CSN1S1: variants seen among roughly 807,000 people sequenced by gnomAD.
The protein encoded by CSN1S1 is alpha-S1-casein.
CSN1S1 carries 63 observed loss-of-function variants against 49.1 expected under a neutral mutation model. That is an observed-to-expected ratio of 1.28 (90% confidence interval 1.05 to 1.58). CSN1S1 has a LOEUF of 1.58. CSN1S1 is among the 40% of genes most tolerant of loss of function. CSN1S1 has a pLI of 0.00. For synonymous variants in CSN1S1, 78 were observed against 67.1 expected (o/e 1.16, Z -0.79); for missense variants, 260 against 224.7 (o/e 1.16, Z -1.01).
chr4:69,940,961 T>C (rs1470970449), intron 11 of CSN1S1, 58 bp from the exon 12 acceptor site: 2 of 846,930 alleles, frequency 2.4e-6, no homozygotes, highest in Non-Finnish European at 3.7e-6. Flanking sequence ...CATATGAAAA[T>C]GATGGGGTTG....
intron 14 of CSN1S1, among the ~76,000 whole-genome samples, chr4:69,943,235 G>A (rs1013255982): frequency 6.6e-6 from 1 of 151,366 alleles, no homozygotes; most frequent in Non-Finnish European, 1.5e-5. Flanking sequence ...CTGAGCTGGA[G>A]TGCAGTGGCA....
At position 69,932,952 on chromosome 4, in the gene CSN1S1, A is replaced by T. The variant is rs561366281; in HGVS notation, c.51+346A>T. ...GCCTGTTCCTTGAGTCTACTACAAA[A>T]TTCTCATATTTCTAAAAATGTAATA... On this transcript the variant is annotated intron_variant, in intron 2 of 15. Transcript: ENST00000246891. 6.0e-4 allele frequency among the ~76,000 whole-genome samples: 92 copies of T among 152,132 alleles called. 1 individual carries two copies. The highest frequency in any genetic ancestry group is 1.3e-4 in the Non-Finnish European group (9 of 67,918).
chr4:69,934,154 A>G lies in CSN1S1; in HGVS notation c.52-58A>G, dbSNP rs1050325152. 4.5e-6 allele frequency: 6 copies of G among 1,324,944 alleles called. No homozygotes were observed. In the African/African-American group the frequency reaches 5.8e-5, roughly 13 times the overall value. 82.1% of individuals were successfully genotyped at this position (1,324,944 alleles called of 1,614,324 possible). On this transcript the variant is annotated intron_variant, in intron 2 of 15. Transcript: ENST00000246891. ...CATCGTATTATATGTGTATTATTAT[A>G]TTGTTATTGTCATTTTAGTTACTTT...
intron 8 of CSN1S1, 131 bp downstream of exon 8, chr4:69,937,275 G>A: frequency 1.5e-6 from 1 of 682,150 alleles, no homozygotes; most frequent in East Asian, 2.9e-5. Context: ...AAAAGAAATA[G>A]TGTATCATAC....
At chr4:69,942,818 TC>T (rs1191071396) in intron 14 of CSN1S1, among the ~76,000 whole-genome samples, 1 of 151,934 alleles carries the variant, frequency 6.6e-6, no homozygotes, top group Non-Finnish European at 1.5e-5. Flanking sequence ...ATTTATTTCC[TC>T]CTCCAAAACT....
intron 9 of CSN1S1, among the ~76,000 whole-genome samples, chr4:69,938,859 G>A (rs1327298674): frequency 6.6e-6 from 1 of 151,526 alleles, no homozygotes; most frequent in Non-Finnish European, 1.5e-5. Flanking sequence ...CTTTCTTAGA[G>A]GTTTCATTTT....
rs182077656 is a variant in CSN1S1 at position 69,941,430 on chromosome 4, A to C, written c.342+370A>C. Among the ~76,000 whole-genome samples, 489 of 151,980 alleles carry C rather than the reference A, an allele frequency of 3.2e-3. 5 individuals carry two copies. Among genetic ancestry groups the C allele is most frequent in the African/African-American group, 0.011 (465 of 41,554 alleles). ...TGTCAAATAAACTTTCCATTTAAGGAAACAGGATAGATTCTGGGAAAGGAA... is the reference window on the plus strand; with the variant it reads ...TGTCAAATAAACTTTCCATTTAAGGCAACAGGATAGATTCTGGGAAAGGAA... On this transcript the variant is annotated intron_variant, in intron 12 of 15. Transcript: ENST00000246891.
chr4:69,938,272 G>C (rs566589240), intron 9 of CSN1S1, among the ~76,000 whole-genome samples: 62 of 151,714 alleles, frequency 4.1e-4, no homozygotes, highest in Non-Finnish European at 8.9e-4. Flanking sequence ...GACACAGGTA[G>C]TGAGCATACT....
chr4:69,936,475 A>G lies in CSN1S1; in HGVS notation c.149A>G (p.Asn50Ser). 1.3e-6 allele frequency: 2 copies of G among 1,571,446 alleles called. No individual in the cohort carries two copies. The highest frequency in any genetic ancestry group is 1.1e-5 in the South Asian group (1 of 89,166). ...ESREEYMNGM[N>S]RQRNILREKQ... Reference sequence around the variant, plus strand: ...CCTAAGGAATACATGAATGGTATGAACAGGGTAAGAAACATCAATGAAATT... The same window carrying G: ...CCTAAGGAATACATGAATGGTATGAGCAGGGTAAGAAACATCAATGAAATT... Residue 50 changes from asparagine to serine, a missense_variant, in exon 6 of 16, where the codon AAC (asparagine) becomes AGC (serine). Coordinates refer to ENST00000246891, the MANE Select transcript of CSN1S1 (RefSeq NM_001890.2).
At chr4:69,934,789 C>A (rs1578132035) in intron 4 of CSN1S1, 79 bp downstream of exon 4, 1 of 1,263,994 alleles carries the variant, frequency 7.9e-7, no homozygotes, top group East Asian at 2.3e-5. Flanking sequence ...TGTTGAATGT[C>A]TTCTTCTTTA....
At chr4:69,940,795 G>T (rs939352425) in intron 11 of CSN1S1, among the ~76,000 whole-genome samples, 1 of 151,734 alleles carries the variant, frequency 6.6e-6, no homozygotes, top group East Asian at 1.9e-4. Flanking sequence ...ATATCAGACA[G>T]AATTATAATT....
intron 1 of CSN1S1, 56 bp from the exon 2 acceptor site, chr4:69,932,488 G>A (rs1722637340): frequency 6.8e-7 from 1 of 1,470,830 alleles, no homozygotes; most frequent in East Asian, 2.5e-5. Context: ...ATTTTTTTCA[G>A]GAAACAAATT....
At position 69,936,387 on chromosome 4, in the gene CSN1S1, CT is replaced by C. The variant is rs543430089; in HGVS notation, c.130-68del. On this transcript the variant is annotated intron_variant, in intron 5 of 15. Transcript: ENST00000246891. ...ATCAGCACGATGTGAAGTACAGTTT[CT>C]CATAGATTTCCACTCATGTATGTCT... 1.9e-5 allele frequency: 23 copies of C among 1,185,242 alleles called. 2 individuals carry two copies. In the South Asian group the frequency reaches 2.9e-4, roughly 15 times the overall value. The allele number at this position is 1,185,242 out of a possible 1,614,324, so 73.4% of individuals were successfully genotyped here.
intron 14 of CSN1S1, 60 bp downstream of exon 14, chr4:69,942,637 G>T: frequency 7.6e-7 from 1 of 1,316,236 alleles, no homozygotes; most frequent in Non-Finnish European, 1.1e-6. Context: ...AAATATGTTT[G>T]CTCTTAAATA....
Position 69,941,028 on chromosome 4 carries a change from T to A in CSN1S1, c.310T>A (p.Cys104Ser), listed in dbSNP as rs1159668823. ...MSLSKCAEQF[C>S]RLNEYNQLQL... Reference sequence around the variant, plus strand: ...TTTTCTTTTTAAATAGGAACAGTTTTGTAGACTGAACGAATACAACCAACT... The same window carrying A: ...TTTTCTTTTTAAATAGGAACAGTTTAGTAGACTGAACGAATACAACCAACT... The change falls in exon 12 of 16, where the codon TGT (cysteine) becomes AGT (serine). Residue 104 changes from cysteine to serine, a missense_variant. Coordinates refer to ENST00000246891, the MANE Select transcript of CSN1S1 (RefSeq NM_001890.2). 1 of 1,518,722 alleles carries A rather than the reference T, an allele frequency of 6.6e-7. No homozygotes were observed. The highest frequency in any genetic ancestry group is 9.0e-7 in the Non-Finnish European group (1 of 1,111,730). The allele number at this position is 1,518,722 out of a possible 1,614,324, so 94.1% of individuals were successfully genotyped here.
In CSN1S1 at chr4:69,934,270, G is replaced by C. The variant is rs756781586; in HGVS notation, c.84+26G>C. On this transcript the variant is annotated intron_variant, in intron 3 of 15. Coordinates refer to ENST00000246891, the MANE Select transcript of CSN1S1 (RefSeq NM_001890.2). ...GTAAATATTCTATTCTGCATTCCAA[G>C]AACTCACTCTAATTGTGAAGCACAA... 5.0e-6 allele frequency: 8 copies of C among 1,605,258 alleles called. No homozygotes were observed. In the Admixed American group the frequency reaches 5.1e-5, roughly 10 times the overall value.
At position 69,934,251 on chromosome 4, in the gene CSN1S1, A is replaced by C. The variant is rs1367985826; in HGVS notation, c.84+7A>C. 1.2e-6 allele frequency: 2 copies of C among 1,610,210 alleles called. No homozygotes were observed. The highest frequency in any genetic ancestry group is 1.7e-6 in the Non-Finnish European group (2 of 1,177,752). On this transcript the variant is annotated splice_region_variant and intron_variant, in intron 3 of 15. Transcript: ENST00000246891. ...ATACCCAGAACGCCTTCAGGTAAAT[A>C]TTCTATTCTGCATTCCAAGAACTCA... is the stretch of plus-strand genomic sequence containing the variant.
intron 3 of CSN1S1, 124 bp downstream of exon 3, chr4:69,934,368 C>T (rs751969575): frequency 2.0e-5 from 18 of 898,428 alleles, no homozygotes; most frequent in Non-Finnish European, 3.2e-5. Context: ...TTCTTTAGTT[C>T]AAGCACTGTC....
chr4:69,946,095 A>G, intron 15 of CSN1S1, 101 bp from the exon 16 acceptor site: 1 of 370,570 alleles, frequency 2.7e-6, no homozygotes, highest in Non-Finnish European at 5.2e-6. Context: ...AGCTTGTCTA[A>G]TACGAAGAGA....
Sources: gnomAD v4.1 joint callset for allele counts (sites outside exome capture counted in the v4.1 genomes callset) on GRCh38, gnomAD v4.1.1 for gene constraint, MANE v1.5 for transcripts, NCBI Gene and HGNC (gene_info 2026-07-23, HGNC 2026-07-21) for gene names.